ATP13A2: variants seen among roughly 807,000 people sequenced by gnomAD.
The protein encoded by ATP13A2 is polyamine-transporting ATPase 13A2.
In ATP13A2, 83 loss-of-function variants were observed where a neutral mutation model predicts 138.3. The observed-to-expected ratio is 0.60, with a 90% CI of 0.50 to 0.72. The LOEUF is 0.72. ATP13A2 is among the 30% of genes least tolerant of loss of function. The probability of loss-of-function intolerance (pLI) is 0.00; values close to 1 mark genes in which losing one functional copy is unlikely to be tolerated. For synonymous variants in ATP13A2, 663 were observed against 699.0 expected (o/e 0.95, Z 0.81); for missense variants, 1,402 against 1,606.4 (o/e 0.87, Z 2.17).
intron 25 of ATP13A2, among the ~76,000 whole-genome samples, chr1:16,987,703 C>A (rs2076787090): frequency 6.6e-6 from 1 of 152,180 alleles, no homozygotes; most frequent in Non-Finnish European, 1.5e-5. Flanking sequence ...TGGGGGTGAG[C>A]AGGCCATGCC....
In ATP13A2 at chr1:16,996,292, C is replaced by T. The variant is rs761071319; in HGVS notation, c.1315G>A (p.Gly439Ser). 3.1e-6 allele frequency: 5 copies of T among 1,614,002 alleles called. No homozygotes were observed. In the South Asian group the frequency reaches 4.4e-5, roughly 14 times the overall value. The change falls in exon 14 of 29, where the codon GGC becomes AGC. Residue 439 changes from glycine (G) to serine (S), a missense_variant. Physicochemically the swap from Gly to Ser is moderately conservative, Grantham distance 56 (BLOSUM62 0). Coordinates refer to ENST00000326735, the MANE Select transcript of ATP13A2 (RefSeq NM_022089.4). The stretch of plus-strand genomic sequence containing the variant: ...AGGATGAAGATGCTGTAGATGGTGC[C>T]GAGGAGAGCTGTGGGGACAGCGAAG... ...VAALSVLALL[G>S]TIYSIFILYR...
rs775095602 is a variant in ATP13A2 at position 17,000,574 on chromosome 1, C to T, written c.706-40G>A. The T allele has an allele frequency of 9.4e-6, 15 of 1,599,212 alleles. No individual in the cohort carries two copies. The Admixed American group carries it at 2.6e-4, about 27-fold the overall frequency. On this transcript the variant is annotated intron_variant, in intron 8 of 28. Transcript: ENST00000326735. The stretch of plus-strand genomic sequence containing the variant: ...GGAGGCAGCGTCAGGGCCGCGTCCC[C>T]CAGGGCAGCCCAGCCACAGGCTGGG...
chr1:17,001,975 G>C, intron 8 of ATP13A2, 59 bp downstream of exon 8: 2 of 1,551,578 alleles, frequency 1.3e-6, no homozygotes, highest in South Asian at 2.4e-5. Flanking sequence ...GGCAAGCCCT[G>C]GGCCAAGGTC....
In ATP13A2 at chr1:17,004,698, G is replaced by T; in HGVS notation, c.471C>A (p.Val157=). The T allele has an allele frequency of 6.2e-7, 1 of 1,614,070 alleles. No individual in the cohort carries two copies. Among genetic ancestry groups the T allele is most frequent in the Non-Finnish European group, 8.5e-7 (1 of 1,180,032 alleles). Residue 157 remains valine, a synonymous_variant, in exon 5 of 29, where the codon GTC becomes GTA. Coordinates refer to ENST00000326735, the MANE Select transcript of ATP13A2 (RefSeq NM_022089.4). The surrounding 1 kb of genome is among the most constrained non-coding windows in gnomAD (Gnocchi z 4.1). The stretch of plus-strand genomic sequence containing the variant: ...GGACTTTTTCAGAACCCACCTGTCC[G>T]ACACTCACCGCCTCCTCGCTCTTGT... ...QLHKSEEAVS[V]GQKRVLRYYL...
chr1:16,996,219 C>G, intron 14 of ATP13A2, 35 bp downstream of exon 14: 1 of 1,614,162 alleles, frequency 6.2e-7, no homozygotes. Context: ...CTGGGCCCTG[C>G]TGGCAGCACC....
At position 16,989,690 on chromosome 1, in the gene ATP13A2, C is replaced by T; in HGVS notation, c.2609+1G>A. The stretch of plus-strand genomic sequence containing the variant: ...GCCCACACCCTCTGCCGAGCACTCA[C>T]TGAAGCTTCTGTAGCTCGCACACCA... On this transcript the variant is annotated splice_donor_variant, in intron 23 of 28. Transcript: ENST00000326735. LOFTEE classifies it high-confidence loss of function. 6.2e-7 allele frequency: 1 copy of T among 1,614,118 alleles called. No individual in the cohort carries two copies. The highest frequency in any genetic ancestry group is 2.2e-5 in the East Asian group (1 of 44,878).
chr1:16,997,620 T>A (rs1174432614), intron 11 of ATP13A2, among the ~76,000 whole-genome samples: 2 of 152,092 alleles, frequency 1.3e-5, no homozygotes, highest in Non-Finnish European at 2.9e-5. Context: ...GGTGGGCAGA[T>A]CACTTGAGGC....
At chr1:16,996,329 A>C in intron 13 of ATP13A2, 29 bp from the exon 14 acceptor site, 3 of 1,613,704 alleles carry the variant, frequency 1.9e-6, no homozygotes, top group Non-Finnish European at 2.5e-6. Context: ...ACTGAGTGGG[A>C]TTTGGGACCC....
Position 16,990,301 on chromosome 1 carries a change from G to A in ATP13A2, c.2252-14C>T, listed in dbSNP as rs776907514. 2 of 1,613,834 alleles carry A rather than the reference G, an allele frequency of 1.2e-6. No homozygotes were observed. The highest frequency in any genetic ancestry group is 3.3e-5 in the Admixed American group (2 of 60,024). On this transcript the variant is annotated splice_polypyrimidine_tract_variant and intron_variant, in intron 20 of 28. Transcript: ENST00000326735. The stretch of plus-strand genomic sequence containing the variant: ...GCAGGTTGTCCCCTGGGGGTTATGG[G>A]GCAAGGTGAGGGTCTGAGGCTATCC...
At position 16,993,747 on chromosome 1, in the gene ATP13A2, C is replaced by T. The variant is rs1050384310; in HGVS notation, c.1631G>A (p.Arg544His). ...GAGCAGGGGCCCCACAGGCAGGCGG[C>T]GAGGCTCTGGGACCAGGGGCAGGAA... ...QAFLPLVPEP[R>H]RLPVGPLLRA... Residue 544 changes from arginine (R) to histidine (H), a missense_variant, in exon 16 of 29, where the codon CGC (arginine) becomes CAC (histidine). Arg to His is a conservative substitution (Grantham distance 29). Coordinates refer to ENST00000326735, the MANE Select transcript of ATP13A2 (RefSeq NM_022089.4). The T allele has an allele frequency of 2.5e-6, 4 of 1,590,704 alleles. No homozygotes were observed. The highest frequency in any genetic ancestry group is 2.7e-5 in the African/African-American group (2 of 74,490).
rs773702054 is a variant in ATP13A2, at chr1:16,996,473, G to T, written c.1219C>A (p.Leu407Met). The change falls in exon 13 of 29, where the codon CTG becomes ATG. Residue 407 changes from leucine (L) to methionine (M), a missense_variant. Coordinates refer to ENST00000326735, the MANE Select transcript of ATP13A2 (RefSeq NM_022089.4). ...CGGGGGTGCAAGATGGAGCTCACCA[G>T]GCCCCCTTTTGCCGTGCAGAACCCT... The part of the protein sequence containing the change: ...RTGFCTAKGG[L>M]VSSILHPRPI... The T allele has an allele frequency of 6.2e-6, 10 of 1,614,046 alleles. No homozygotes were observed. Among genetic ancestry groups the T allele is most frequent in the Non-Finnish European group, 8.5e-6 (10 of 1,180,008 alleles).
Position 16,995,712 on chromosome 1 carries a change from C to G in ATP13A2, c.1542+264G>C. 1 of 544,876 alleles carries G rather than the reference C, an allele frequency of 1.8e-6. No individual in the cohort carries two copies. Among genetic ancestry groups the G allele is most frequent in the Non-Finnish European group, 3.4e-6 (1 of 294,660 alleles). 33.8% of individuals were successfully genotyped at this position (544,876 alleles called of 1,614,324 possible). A position where few individuals can be genotyped will look rare whatever the true frequency, so the allele number is the denominator to read the frequency against. On this transcript the variant is annotated intron_variant, in intron 15 of 28. Coordinates refer to ENST00000326735, the MANE Select transcript of ATP13A2 (RefSeq NM_022089.4). The surrounding 1 kb of genome is among the most constrained non-coding windows in gnomAD (Gnocchi z 4.1). ...GTATCTGCCTCAGCCTCCCAAAGTG[C>G]TGGGATTACAGACGTGAGCCACCGC...
Position 16,995,813 on chromosome 1 carries a change from T to A in ATP13A2, c.1542+163A>T, listed in dbSNP as rs767375520. ...TTCATCTGCCAGACCGTGAGCCCAG[T>A]GAGGGCAGGAGTGGGATGGGGTGGA... On this transcript the variant is annotated intron_variant, in intron 15 of 28. Coordinates refer to ENST00000326735, the MANE Select transcript of ATP13A2 (RefSeq NM_022089.4). This position sits in a 1 kb window ranked among gnomAD's most constrained non-coding sequence, Gnocchi z 4.1. 19 of 845,982 alleles carry A rather than the reference T, an allele frequency of 2.2e-5. No individual in the cohort carries two copies. The highest frequency in any genetic ancestry group is 2.4e-4 in the Middle Eastern group (1 of 4,224). The allele number at this position is 845,982 out of a possible 1,614,324, so 52.4% of individuals were successfully genotyped here. A position where few individuals can be genotyped will look rare whatever the true frequency, so the allele number is the denominator to read the frequency against.
rs55889979 is a variant in ATP13A2 at position 16,989,744 on chromosome 1, G to C, written c.2556C>G (p.Ala852=). ...PKVLVQGTVF[A]RMAPEQKTEL... ...CTGTCTTCTGCTCAGGGGCCATGCG[G>C]GCAAAGACAGTGCCCTGGACCAGGA... Residue 852 remains alanine (A), a synonymous_variant, in exon 23 of 29, where the codon GCC becomes GCG. Coordinates refer to ENST00000326735, the MANE Select transcript of ATP13A2 (RefSeq NM_022089.4). 6.2e-7 allele frequency: 1 copy of C among 1,614,080 alleles called. No homozygotes were observed. The highest frequency in any genetic ancestry group is 8.5e-7 in the Non-Finnish European group (1 of 1,180,046).
intron 1 of ATP13A2, among the ~76,000 whole-genome samples, chr1:17,010,981 T>C (rs774630073): frequency 3.1e-4 from 47 of 152,232 alleles, no homozygotes; most frequent in East Asian, 5.8e-4. Flanking sequence ...AGGGGCTGTC[T>C]TTCCTCATTC....
At chr1:16,996,877 G>T in intron 12 of ATP13A2, 143 bp downstream of exon 12, 2 of 1,058,118 alleles carry the variant, frequency 1.9e-6, no homozygotes, top group Non-Finnish European at 2.8e-6. Flanking sequence ...CAGATGGGGG[G>T]CAACTGGCCC....
rs1383543068 is a variant in ATP13A2 at position 17,004,297 on chromosome 1, G to A, written c.557+35C>T. The A allele has an allele frequency of 1.9e-6, 3 of 1,604,082 alleles. No homozygotes were observed. Among genetic ancestry groups the A allele is most frequent in the African/African-American group, 2.7e-5 (2 of 74,614 alleles). ...TGTGCCCAAACCAGTGCCACTCTGG[G>A]AGGTGACATGAGCCACACAGGCCCT... On this transcript the variant is annotated intron_variant, in intron 6 of 28. Coordinates refer to ENST00000326735, the MANE Select transcript of ATP13A2 (RefSeq NM_022089.4). This position sits in a 1 kb window ranked among gnomAD's most constrained non-coding sequence, Gnocchi z 4.1.
intron 8 of ATP13A2, chr1:17,000,912 A>C (rs1185227221): frequency 4.5e-6 from 1 of 220,328 alleles, no homozygotes; most frequent in African/African-American, 2.3e-5. Context: ...ACTGCACTCC[A>C]GCCTGAGTGA....
intron 1 of ATP13A2, among the ~76,000 whole-genome samples, chr1:17,009,464 C>T (rs1393738144): frequency 6.7e-6 from 1 of 149,132 alleles, no homozygotes; most frequent in Non-Finnish European, 1.5e-5. Flanking sequence ...TGGCATGATC[C>T]TAGCTCACTG....
Sources: allele counts gnomAD v4.1 joint callset (sites outside exome capture counted in the v4.1 genomes callset), GRCh38; gene constraint gnomAD v4.1.1; non-coding constraint Gnocchi (gnomAD v3.1); transcripts MANE v1.5; gene names NCBI Gene and HGNC (gene_info 2026-07-23, HGNC 2026-07-21).